Variants in MATN4 observed in about 807,000 individuals in gnomAD.
The protein encoded by MATN4 is matrilin 4.
A neutral mutation model predicts 54.6 loss-of-function variants in MATN4; 40 were observed. The ratio of observed to expected loss-of-function variants is 0.73; its 90% CI spans 0.57 to 0.95. MATN4 has a LOEUF of 0.95. Ranked by LOEUF, MATN4 falls within the 40% of genes least tolerant of loss-of-function variation. The pLI is 0.00. For synonymous variants in MATN4, 351 were observed against 345.3 expected (o/e 1.02, Z -0.18); for missense variants, 810 against 819.1 (o/e 0.99, Z 0.13).
chr20:45,294,034 G>T lies in MATN4; in HGVS notation c.1580-19C>A. The T allele has an allele frequency of 6.3e-7, 1 of 1,583,314 alleles. No homozygotes were observed. The highest frequency in any genetic ancestry group is 8.6e-7 in the Non-Finnish European group (1 of 1,166,384). ...CCCTCCTCTGCAAGCCGGACACAGAGGGTCAGGGGGATGAGAAATTGCCCT... is the reference window on the plus strand; with the variant it reads ...CCCTCCTCTGCAAGCCGGACACAGATGGTCAGGGGGATGAGAAATTGCCCT... On this transcript the variant is annotated intron_variant, in intron 8 of 9. Coordinates refer to ENST00000372756, the MANE Select transcript of MATN4 (RefSeq NM_001393530.1).
intron 8 of MATN4, among the ~76,000 whole-genome samples, chr20:45,297,043 G>T (rs1005256198): frequency 6.6e-6 from 1 of 151,726 alleles, no homozygotes; most frequent in African/African-American, 2.4e-5. Context: ...TGTTGCCAAG[G>T]ATGGTCTCGA....
Position 45,304,275 on chromosome 20 carries a change from A to G in MATN4, c.596T>C (p.Phe199Ser). The G allele has an allele frequency of 6.4e-7, 1 of 1,556,174 alleles. No individual in the cohort carries two copies. Among genetic ancestry groups the G allele is most frequent in the Non-Finnish European group, 8.7e-7 (1 of 1,154,420 alleles). Residue 199 changes from phenylalanine to serine, a missense_variant, in exon 3 of 10, where the codon TTC becomes TCC. Phe to Ser is a radical substitution (Grantham distance 155). Transcript: ENST00000372756. ...CAGGCCGAACTCCTGGATGAGGTCG[A>G]AGGACTCTACGAGGAAGACGTGCTC... Reference protein sequence around the residue: ...LDEHVFLVESFDLIQEFGLQF... With the variant: ...LDEHVFLVESSDLIQEFGLQF...
chr20:45,296,341 C>T (rs1475005289), intron 8 of MATN4, among the ~76,000 whole-genome samples: 1 of 150,870 alleles, frequency 6.6e-6, no homozygotes, highest in East Asian at 1.9e-4. Flanking sequence ...AAGCACAATA[C>T]CTGCCATTTA....
chr20:45,308,104 A>G (rs777647354), intron 1 of MATN4, 71 bp downstream of exon 1: 1 of 1,463,722 alleles, frequency 6.8e-7, no homozygotes, highest in South Asian at 1.1e-5. Context: ...CTGCTAAAAT[A>G]CACTCGCCTG....
chr20:45,301,141 C>T lies in MATN4; in HGVS notation c.850G>A (p.Glu284Lys). 1 of 1,614,264 alleles carries T rather than the reference C, an allele frequency of 6.2e-7. No homozygotes were observed. Among genetic ancestry groups the T allele is most frequent in the Non-Finnish European group, 8.5e-7 (1 of 1,180,052 alleles). The change falls in exon 5 of 10, where the codon GAG (glutamate) becomes AAG (lysine). Residue 284 changes from glutamate to lysine, a missense_variant. Transcript: ENST00000372756. ...TPGGPRCHCR[E>K]GHDLQPDGRS... ...CCATCAGGCTGCAAGTCATGGCCCTCTCTGCAGTGGCACCGTGGCCCACCA... is the reference window on the plus strand; with the variant it reads ...CCATCAGGCTGCAAGTCATGGCCCTTTCTGCAGTGGCACCGTGGCCCACCA...
Position 45,304,712 on chromosome 20 carries a change from C to A in MATN4, c.159G>T (p.Met53Ile), listed in dbSNP as rs750948122. The change falls in exon 3 of 10, where the codon ATG (methionine) becomes ATT (isoleucine). Residue 53 changes from methionine to isoleucine, a missense_variant. Coordinates refer to ENST00000372756, the MANE Select transcript of MATN4 (RefSeq NM_001393530.1). ...GGAGGAGGCCCATGAGGAACTGCCG[C>A]ATGGTCTCGAACTCGAAAGGGCGCA... The part of the protein sequence containing the change: ...RSVRPFEFET[M>I]RQFLMGLLRG... The A allele has an allele frequency of 6.2e-6, 10 of 1,612,270 alleles. No homozygotes were observed. The highest frequency in any genetic ancestry group is 8.5e-6 in the Non-Finnish European group (10 of 1,178,928).
rs1221942778 is a variant in MATN4 at position 45,304,525 on chromosome 20, C to T, written c.346G>A (p.Ala116Thr). 6.3e-7 allele frequency: 1 copy of T among 1,592,842 alleles called. No homozygotes were observed. Among genetic ancestry groups the T allele is most frequent in the South Asian group, 1.1e-5 (1 of 90,398 alleles). ...GCCACGTTCATGGCGTACTGGATTGCCAGTCCCGTCATGGTGCCTTGCGCC... is the reference window on the plus strand; with the variant it reads ...GCCACGTTCATGGCGTACTGGATTGTCAGTCCCGTCATGGTGCCTTGCGCC... Reference protein sequence around the residue: ...PLAQGTMTGLAIQYAMNVAFS... With the variant: ...PLAQGTMTGLTIQYAMNVAFS... Residue 116 changes from alanine to threonine, a missense_variant, in exon 3 of 10, where the codon GCA becomes ACA. Transcript: ENST00000372756.
At chr20:45,304,135 C>A in intron 3 of MATN4, 93 bp downstream of exon 3, 1 of 1,166,458 alleles carries the variant, frequency 8.6e-7, no homozygotes. Flanking sequence ...ATCGCGGGGC[C>A]ACCCCCACGG....
Position 45,298,282 on chromosome 20 carries a change from C to T in MATN4, c.1314G>A (p.Glu438=), listed in dbSNP as rs773012743. 5 of 1,613,344 alleles carry T rather than the reference C, an allele frequency of 3.1e-6. No homozygotes were observed. Among genetic ancestry groups the T allele is most frequent in the East Asian group, 4.5e-5 (2 of 44,884 alleles). Reference sequence around the variant, plus strand: ...GGGCACGGGGCCGTGCACCCTGCGCCTCGGAGAAGCTGTGCTCCACCATGT... The same window carrying T: ...GGGCACGGGGCCGTGCACCCTGCGCTTCGGAGAAGCTGTGCTCCACCATGT... ...LRHMVEHSFS[E]AQGARPRALN... Residue 438 remains glutamate, a synonymous_variant, in exon 7 of 10, where the codon GAG becomes GAA. Transcript: ENST00000372756. This position sits in a 1 kb window ranked among gnomAD's most constrained non-coding sequence, Gnocchi z 4.6.
In MATN4 at chr20:45,308,154, C is replaced by A. The variant is rs766056406; in HGVS notation, c.-35+21G>T. 1.9e-6 allele frequency: 3 copies of A among 1,613,084 alleles called. No homozygotes were observed. In the South Asian group the frequency reaches 3.3e-5, roughly 18 times the overall value. On this transcript the variant is annotated intron_variant, in intron 1 of 9. Coordinates refer to ENST00000372756, the MANE Select transcript of MATN4 (RefSeq NM_001393530.1). ...CTACTCCCCTGCAGACCCCTCAGTG[C>A]CTCCCAATCCTTTGACTCACCTGAG... is the stretch of plus-strand genomic sequence containing the variant.
At chr20:45,307,186 A>T (rs1986788647) in intron 1 of MATN4, among the ~76,000 whole-genome samples, 1 of 151,950 alleles carries the variant, frequency 6.6e-6, no homozygotes, top group African/African-American at 2.4e-5. Flanking sequence ...GCCGCGCCCC[A>T]TGCTGAAGCT....
In MATN4 at chr20:45,304,733, G is replaced by A; in HGVS notation, c.138C>T (p.Arg46=). 1 of 1,610,186 alleles carries A rather than the reference G, an allele frequency of 6.2e-7. No homozygotes were observed. The highest frequency in any genetic ancestry group is 8.5e-7 in the Non-Finnish European group (1 of 1,177,476). Residue 46 remains arginine (R), a synonymous_variant, in exon 3 of 10, where the codon CGC becomes CGT. Coordinates refer to ENST00000372756, the MANE Select transcript of MATN4 (RefSeq NM_001393530.1). ...GCCGCATGGTCTCGAACTCGAAAGG[G>A]CGCACGCTGCGGGAGCTGTCAATCA... ...VFVIDSSRSV[R]PFEFETMRQF... is the part of the protein sequence containing the mutation.
rs748663250 is a variant in MATN4 at position 45,304,378 on chromosome 20, C to G, written c.493G>C (p.Gly165Arg). 5.3e-6 allele frequency: 8 copies of G among 1,501,362 alleles called. 1 individual carries two copies. In the Admixed American group the frequency reaches 1.6e-4, roughly 30 times the overall value. The allele number at this position is 1,501,362 out of a possible 1,614,324, so 93.0% of individuals were successfully genotyped here. A position where few individuals can be genotyped will look rare whatever the true frequency, so the allele number is the denominator to read the frequency against. ...ACCCCCACCGCGTAAATTTCAATGC[C>G]GCGGGCGCGCGCCTGTGCCGCCACC... is the stretch of plus-strand genomic sequence containing the variant. ...AEVAAQARAR[G>R]IEIYAVGVQR... Residue 165 changes from glycine (G) to arginine (R), a missense_variant, in exon 3 of 10, where the codon GGC becomes CGC. Coordinates refer to ENST00000372756, the MANE Select transcript of MATN4 (RefSeq NM_001393530.1).
intron 8 of MATN4, among the ~76,000 whole-genome samples, chr20:45,297,134 C>T (rs935997617): frequency 3.3e-5 from 5 of 149,918 alleles, no homozygotes. Flanking sequence ...GCCCAGCCCC[C>T]CTACATATAT....
chr20:45,297,974 G>C lies in MATN4; in HGVS notation c.1523C>G (p.Pro508Arg), dbSNP rs2233104. ...CAGGTGCGTCATGGTGCCGAAGTCCGGGGCATAGGACACGTGCAGTTCCGC... is the reference window on the plus strand; with the variant it reads ...CAGGTGCGTCATGGTGCCGAAGTCCCGGGCATAGGACACGTGCAGTTCCGC... ...EPAELHVSYA[P>R]DFGTMTHLLE... The change falls in exon 8 of 10, where the codon CCG (proline) becomes CGG (arginine). Residue 508 changes from proline (P) to arginine (R), a missense_variant. Coordinates refer to ENST00000372756, the MANE Select transcript of MATN4 (RefSeq NM_001393530.1). 2.5e-6 allele frequency: 4 copies of C among 1,614,026 alleles called. No homozygotes were observed. The East Asian group carries it at 8.9e-5, about 36-fold the overall frequency.
chr20:45,306,997 G>GCCCCCCCCC, intron 1 of MATN4: 1 of 1,127,954 alleles, frequency 8.9e-7, no homozygotes, highest in Non-Finnish European at 1.1e-6. Context: ...AACTACGAAG[G>GCCCCCCCCC]ACCACCCCCC....
chr20:45,303,013 G>T (rs780004333), intron 3 of MATN4, among the ~76,000 whole-genome samples: 2 of 150,188 alleles, frequency 1.3e-5, no homozygotes, highest in Non-Finnish European at 3.0e-5. Context: ...AACCCGGGAG[G>T]CGGAGGTTGC....
Position 45,305,364 on chromosome 20 carries a change from C to T in MATN4, c.73+146G>A, listed in dbSNP as rs1986538250. The T allele has an allele frequency of 1.2e-5, 7 of 569,700 alleles. No homozygotes were observed. The Admixed American group carries it at 2.3e-4, about 19-fold the overall frequency. The allele number at this position is 569,700 out of a possible 1,614,324, so 35.3% of individuals were successfully genotyped here. A position where few individuals can be genotyped will look rare whatever the true frequency, so the allele number is the denominator to read the frequency against. The stretch of plus-strand genomic sequence containing the variant: ...TCCTACAGATGAAGAAACTGAGGCC[C>T]AGAAAGGTGAAGTGGGGAACTTAAA... On this transcript the variant is annotated intron_variant, in intron 2 of 9. Coordinates refer to ENST00000372756, the MANE Select transcript of MATN4 (RefSeq NM_001393530.1).
chr20:45,294,696 G>T (rs1945145273), intron 8 of MATN4, among the ~76,000 whole-genome samples: 1 of 152,074 alleles, frequency 6.6e-6, no homozygotes. Flanking sequence ...TTACAGCAGG[G>T]GTCCCCAATC....
Sources: gnomAD v4.1 joint callset for allele counts (sites outside exome capture counted in the v4.1 genomes callset) on GRCh38, gnomAD v4.1.1 for gene constraint, Gnocchi (gnomAD v3.1) non-coding constraint, MANE v1.5 for transcripts, NCBI Gene and HGNC (gene_info 2026-07-23, HGNC 2026-07-21) for gene names.